MDGA2: variants seen among roughly 807,000 people sequenced by gnomAD.
MDGA2 encodes the protein MAM domain containing glycosylphosphatidylinositol anchor 2, also known as MAM domain-containing glycosylphosphatidylinositol anchor protein 2.
In MDGA2, 40 loss-of-function variants were observed where a neutral mutation model predicts 117.8. The ratio of observed to expected loss-of-function variants is 0.34; its 90% confidence interval spans 0.26 to 0.44. The LOEUF is 0.44. Among genes scored for constraint, MDGA2 ranks in the 20% least tolerant of loss-of-function variants. The pLI is 1.00. For synonymous variants in MDGA2, 452 were observed against 439.0 expected (o/e 1.03, Z -0.37); for missense variants, 1,123 against 1,250.6 (o/e 0.90, Z 1.54).
intron 1 of MDGA2, among the ~76,000 whole-genome samples, chr14:47,400,166 T>C (rs2068986): frequency 1.3e-5 from 2 of 151,878 alleles, no homozygotes; most frequent in Admixed American, 1.3e-4. Context: ...GCATATTCCT[T>C]TACTATGATT....
At chr14:47,571,035 C>T (rs951708737) in intron 1 of MDGA2, among the ~76,000 whole-genome samples, 1 of 152,014 alleles carries the variant, frequency 6.6e-6, no homozygotes, top group Non-Finnish European at 1.5e-5. Context: ...CCAGAATCTA[C>T]AAAGAACTTA....
At chr14:47,106,415 C>G (rs557727026) in intron 5 of MDGA2, among the ~76,000 whole-genome samples, 1 of 151,978 alleles carries the variant, frequency 6.6e-6, no homozygotes, top group Non-Finnish European at 1.5e-5. Context: ...CCGCAGCAGC[C>G]AGGCGTTCCT....
rs558947690 is a variant in MDGA2 at position 47,467,556 on chromosome 14, A to G, written c.281-166006T>C. Among the ~76,000 whole-genome samples the G allele has an allele frequency of 5.9e-5, 9 of 152,216 alleles. No homozygotes were observed. The East Asian group carries it at 1.7e-3, about 29-fold the overall frequency. On this transcript the variant is annotated intron_variant, in intron 1 of 16. Coordinates refer to ENST00000399232, the MANE Select transcript of MDGA2 (RefSeq NM_001113498.3). ...CTTGTCATAATTTTCAACACCCAGAAGTAGATAAAGAGACAGCAGAATGTA... is the reference window on the plus strand; with the variant it reads ...CTTGTCATAATTTTCAACACCCAGAGGTAGATAAAGAGACAGCAGAATGTA...
intron 1 of MDGA2, among the ~76,000 whole-genome samples, chr14:47,669,244 A>G (rs1229871246): frequency 6.6e-6 from 1 of 152,208 alleles, no homozygotes; most frequent in African/African-American, 2.4e-5. Flanking sequence ...ATAAGTATAA[A>G]GAAGCATAAC....
intron 11 of MDGA2, among the ~76,000 whole-genome samples, chr14:46,880,587 G>A (rs1463402198): frequency 2.6e-5 from 4 of 151,644 alleles, no homozygotes; most frequent in African/African-American, 9.7e-5. Flanking sequence ...TGGATCACCT[G>A]AGGTCGGGAG....
intron 8 of MDGA2, among the ~76,000 whole-genome samples, chr14:46,990,530 T>C (rs1208624375): frequency 6.6e-6 from 1 of 152,054 alleles, no homozygotes; most frequent in East Asian, 1.9e-4. Context: ...AAGAAACATG[T>C]TAACATTTGT....
intron 8 of MDGA2, among the ~76,000 whole-genome samples, chr14:47,006,923 C>G (rs1887732826): frequency 6.6e-6 from 1 of 151,668 alleles, no homozygotes; most frequent in South Asian, 2.1e-4. Context: ...TGTCCTGGAG[C>G]AGGCTGGAGA....
intron 8 of MDGA2, among the ~76,000 whole-genome samples, chr14:47,002,773 ATAAAT>A (rs1031950732): frequency 4.6e-5 from 7 of 152,094 alleles, no homozygotes; most frequent in Non-Finnish European, 8.8e-5. Flanking sequence ...AACATATTTG[ATAAAT>A]TAATGATATT....
At chr14:47,536,362 C>T (rs1188533312) in intron 1 of MDGA2, among the ~76,000 whole-genome samples, 1 of 152,104 alleles carries the variant, frequency 6.6e-6, no homozygotes, top group East Asian at 1.9e-4. Flanking sequence ...ATTGTATGTC[C>T]AAAGGTGATG....
At chr14:47,101,113 AT>A (rs1271591596) in intron 5 of MDGA2, among the ~76,000 whole-genome samples, 14 of 137,154 alleles carry the variant, frequency 1.0e-4, no homozygotes, top group Admixed American at 8.6e-4. Context: ...AGATAGATAG[AT>A]AGATAGATAG....
Position 47,350,339 on chromosome 14 carries a change from G to A in MDGA2, c.281-48789C>T, listed in dbSNP as rs181129956. Among the ~76,000 whole-genome samples, 538 of 152,138 alleles carry A rather than the reference G, an allele frequency of 3.5e-3. 5 individuals are homozygous for A. The highest frequency in any genetic ancestry group is 0.012 in the African/African-American group (510 of 41,502). ...GTAATATTAAAGTAAAATAATACAG[G>A]GCATTTTCAAGGGTGGAGAACTGTC... On this transcript the variant is annotated intron_variant, in intron 1 of 16. Transcript: ENST00000399232.
intron 7 of MDGA2, among the ~76,000 whole-genome samples, chr14:47,043,022 T>C (rs140643024): frequency 1.6e-4 from 24 of 152,172 alleles, no homozygotes; most frequent in East Asian, 1.2e-3. Flanking sequence ...CAAGGCAAAT[T>C]TGAGAATTTC....
At chr14:47,342,860 A>T (rs1373216060) in intron 1 of MDGA2, 4 of 356,166 alleles carry the variant, frequency 1.1e-5, no homozygotes, top group South Asian at 2.1e-5. Context: ...TTCCTTAAAC[A>T]CTTAAAGGCT....
chr14:47,602,773 C>T (rs146112003), intron 1 of MDGA2, among the ~76,000 whole-genome samples: 183 of 152,300 alleles, frequency 1.2e-3, no homozygotes, highest in African/African-American at 4.3e-3. Context: ...CCAACATATA[C>T]ATTTCCCTTA....
chr14:47,345,108 A>G (rs573306338), intron 1 of MDGA2, among the ~76,000 whole-genome samples: 1 of 152,264 alleles, frequency 6.6e-6, no homozygotes, highest in Admixed American at 6.5e-5. Flanking sequence ...CTCTGCCAGA[A>G]GAGTTCAAAA....
intron 10 of MDGA2, among the ~76,000 whole-genome samples, chr14:46,890,410 T>A (rs555926554): frequency 6.6e-6 from 1 of 152,142 alleles, no homozygotes; most frequent in Non-Finnish European, 1.5e-5. Context: ...AAAAAGTTTT[T>A]AACTTATATA....
At chr14:47,053,823 T>C (rs774862487) in intron 7 of MDGA2, among the ~76,000 whole-genome samples, 1 of 151,780 alleles carries the variant, frequency 6.6e-6, no homozygotes, top group Non-Finnish European at 1.5e-5. Context: ...CTGCTGGTTA[T>C]TTCGCTTCTC....
At chr14:47,376,564 G>GTTC (rs10655960) in intron 1 of MDGA2, among the ~76,000 whole-genome samples, 152,151 of 152,224 alleles carry the variant, frequency 1, 76,039 homozygotes, top group Non-Finnish European at 1. Context: ...TGTGCCTTTA[G>GTTC]TTCTCACCTC....
intron 1 of MDGA2, among the ~76,000 whole-genome samples, chr14:47,577,651 A>G (rs1427550190): frequency 6.6e-6 from 1 of 152,224 alleles, no homozygotes. Context: ...TTCTCAAAAG[A>G]AGACATTTAT....
Sources: gnomAD v4.1 joint callset for allele counts (sites outside exome capture counted in the v4.1 genomes callset) on GRCh38, gnomAD v4.1.1 for gene constraint, MANE v1.5 for transcripts, NCBI Gene and HGNC (gene_info 2026-07-23, HGNC 2026-07-21) for gene names.